Variants in FSTL4 observed in about 807,000 individuals in gnomAD.
FSTL4 encodes follistatin-related protein 4.
FSTL4 carries 28 observed loss-of-function variants against 78.2 expected under a neutral mutation model. The ratio of observed to expected loss-of-function variants is 0.36; its 90% CI spans 0.27 to 0.49. The LOEUF (loss-of-function observed/expected upper bound fraction) is 0.49, where lower values mean the gene tolerates loss of function less well. FSTL4 is among the 20% of genes least tolerant of loss of function. The probability of loss-of-function intolerance (pLI) is 0.98; values close to 1 mark genes in which losing one functional copy is unlikely to be tolerated. For missense variants in FSTL4, 922 were observed against 1,084.9 expected, an observed-to-expected ratio of 0.85 and a Z score of 2.11; for synonymous variants, 422 against 440.5, an observed-to-expected ratio of 0.96 and a Z score of 0.53.
At chr5:133,776,205 C>G in the FSTL4 span, among the ~76,000 whole-genome samples, 1 of 152,190 alleles carries the variant, frequency 6.6e-6, no homozygotes, top group Non-Finnish European at 1.5e-5. Context: ...GTTCCCTTGT[C>G]CTCTGGCTTT....
chr5:133,355,596 T>G (rs1754923417), intron 4 of FSTL4, among the ~76,000 whole-genome samples: 1 of 152,094 alleles, frequency 6.6e-6, no homozygotes, highest in African/African-American at 2.4e-5. Flanking sequence ...GCGGAGGTTG[T>G]GGTGAGTCGA....
At chr5:133,797,046 C>G in the FSTL4 span, among the ~76,000 whole-genome samples, 5 of 152,282 alleles carry the variant, frequency 3.3e-5, no homozygotes, top group South Asian at 1.0e-3. Context: ...AAAGCAAACT[C>G]TGTAAAATAT....
At chr5:133,518,915 C>G (rs967859059) in intron 3 of FSTL4, among the ~76,000 whole-genome samples, 3 of 152,064 alleles carry the variant, frequency 2.0e-5, no homozygotes, top group African/African-American at 7.2e-5. Context: ...ATTCCCTGAC[C>G]CCCCATGGAA....
chr5:133,685,140 G>A, the FSTL4 span, among the ~76,000 whole-genome samples: 13 of 152,196 alleles, frequency 8.5e-5, no homozygotes, highest in African/African-American at 3.1e-4. Context: ...CAAAGGGCAT[G>A]GGCAGCATCT....
the FSTL4 span, among the ~76,000 whole-genome samples, chr5:133,747,903 A>C: frequency 6.6e-6 from 1 of 152,168 alleles, no homozygotes; most frequent in Non-Finnish European, 1.5e-5. Flanking sequence ...CAGTTTTGAA[A>C]ACCCAAACCC....
chr5:133,780,708 C>A, the FSTL4 span, among the ~76,000 whole-genome samples: 6 of 152,248 alleles, frequency 3.9e-5, no homozygotes, highest in Admixed American at 3.3e-4. Context: ...TCCTTACAAC[C>A]CATTTAATCC....
At chr5:133,448,940 G>A (rs577690107) in intron 3 of FSTL4, among the ~76,000 whole-genome samples, 8 of 152,192 alleles carry the variant, frequency 5.3e-5, no homozygotes, top group Admixed American at 2.0e-4. Flanking sequence ...GTTTAATGGC[G>A]ATTGACTAAT....
intron 7 of FSTL4, among the ~76,000 whole-genome samples, chr5:133,241,045 T>C (rs1304933884): frequency 2.6e-5 from 4 of 152,138 alleles, no homozygotes; most frequent in African/African-American, 9.7e-5. Flanking sequence ...AGCAAAAGCT[T>C]TGGACACCGA....
intron 3 of FSTL4, among the ~76,000 whole-genome samples, chr5:133,468,186 G>T (rs996829198): frequency 6.6e-6 from 1 of 152,214 alleles, no homozygotes; most frequent in African/African-American, 2.4e-5. Flanking sequence ...GGGGGAGGCA[G>T]GCAGGGGGAG....
At chr5:133,510,449 T>C (rs1450092000) in intron 3 of FSTL4, among the ~76,000 whole-genome samples, 1 of 152,188 alleles carries the variant, frequency 6.6e-6, no homozygotes, top group Non-Finnish European at 1.5e-5. Flanking sequence ...AAAGCTCATG[T>C]TGTCCAGGTG....
chr5:133,421,459 C>CTT (rs1163839314), intron 3 of FSTL4, among the ~76,000 whole-genome samples: 1 of 152,262 alleles, frequency 6.6e-6, no homozygotes, highest in Non-Finnish European at 1.5e-5. Context: ...TGTCTGTATA[C>CTT]TTTCCCTTGC....
At chr5:133,549,676 T>C (rs1289094447) in intron 3 of FSTL4, among the ~76,000 whole-genome samples, 1 of 152,200 alleles carries the variant, frequency 6.6e-6, no homozygotes, top group Non-Finnish European at 1.5e-5. Flanking sequence ...TTCTTTTACA[T>C]AGGATTTGTG....
At chr5:133,373,613 G>C (rs550995221) in intron 4 of FSTL4, among the ~76,000 whole-genome samples, 2 of 152,318 alleles carry the variant, frequency 1.3e-5, no homozygotes, top group African/African-American at 4.8e-5. Context: ...ACCAGGTTGG[G>C]TGTGTGGGAT....
At chr5:133,806,931 C>T in the FSTL4 span, among the ~76,000 whole-genome samples, 2,506 of 152,326 alleles carry the variant, frequency 0.016, 79 homozygotes, top group African/African-American at 0.056. Flanking sequence ...CCCACCTAGT[C>T]AGGGCGATGC....
intron 3 of FSTL4, among the ~76,000 whole-genome samples, chr5:133,492,281 A>G (rs1381667578): frequency 1.3e-5 from 2 of 152,178 alleles, no homozygotes; most frequent in African/African-American, 4.8e-5. Context: ...TCTTCAGTCA[A>G]CACTTACTTA....
At chr5:133,608,930 G>C (rs1264260358) in intron 1 of FSTL4, among the ~76,000 whole-genome samples, 1 of 152,298 alleles carries the variant, frequency 6.6e-6, no homozygotes, top group African/African-American at 2.4e-5. Context: ...ATAGGCCAGA[G>C]AGAAGCAATC....
At chr5:133,649,816 T>G in the FSTL4 span, among the ~76,000 whole-genome samples, 10 of 152,214 alleles carry the variant, frequency 6.6e-5, no homozygotes, top group Non-Finnish European at 1.5e-4. Context: ...TGCCTTTTCA[T>G]TCTCTTGAGA....
At chr5:133,365,506 C>T (rs1755165646) in intron 4 of FSTL4, among the ~76,000 whole-genome samples, 1 of 152,176 alleles carries the variant, frequency 6.6e-6, no homozygotes. Flanking sequence ...CCCCCACCTG[C>T]TGATTTGCTA....
At chr5:133,229,232 T>C (rs1451846404) in intron 8 of FSTL4, among the ~76,000 whole-genome samples, 1 of 152,072 alleles carries the variant, frequency 6.6e-6, no homozygotes, top group Non-Finnish European at 1.5e-5. Flanking sequence ...AAAAAATCAG[T>C]TGGTAGGTGC....
Sources: allele counts gnomAD v4.1 joint callset (sites outside exome capture counted in the v4.1 genomes callset), GRCh38; gene constraint gnomAD v4.1.1; transcripts MANE v1.5; gene names NCBI Gene and HGNC (gene_info 2026-07-23, HGNC 2026-07-21).